Variants in ZFAND3 observed in about 807,000 individuals in gnomAD.
The protein encoded by ZFAND3 is AN1-type zinc finger protein 3.
In ZFAND3, 10 loss-of-function variants were observed where a neutral mutation model predicts 29.6. That is an observed-to-expected ratio of 0.34 (90% CI 0.21 to 0.57). The LOEUF is 0.57. Among genes scored for constraint, ZFAND3 ranks in the 20% least tolerant of loss-of-function variants. The probability of loss-of-function intolerance (pLI) is 0.86; values close to 1 mark genes in which losing one functional copy is unlikely to be tolerated. For synonymous variants in ZFAND3, 128 were observed against 112.6 expected, an observed-to-expected ratio of 1.14 and a Z score of -0.87; for missense variants, 230 against 304.5, an observed-to-expected ratio of 0.76 and a Z score of 1.82.
chr6:38,024,982 A>G (rs939081563), intron 2 of ZFAND3, among the ~76,000 whole-genome samples: 4 of 152,206 alleles, frequency 2.6e-5, no homozygotes, highest in Admixed American at 1.3e-4. Flanking sequence ...AAAGTAGAAA[A>G]TACATATGTA....
chr6:38,020,398 A>G (rs1763327394), intron 2 of ZFAND3, among the ~76,000 whole-genome samples: 2 of 152,132 alleles, frequency 1.3e-5, no homozygotes, highest in African/African-American at 4.8e-5. Flanking sequence ...AAAAAAAAAC[A>G]TGTTTCAAAT....
At chr6:37,915,640 A>G (rs542312503) in intron 1 of ZFAND3, 1 of 152,378 alleles carries the variant, frequency 6.6e-6, no homozygotes, top group East Asian at 1.9e-4. Flanking sequence ...CCTTGGGCTT[A>G]TCCATTGCAC....
At chr6:38,029,133 G>T (rs767201387) in intron 2 of ZFAND3, among the ~76,000 whole-genome samples, 1 of 152,110 alleles carries the variant, frequency 6.6e-6, no homozygotes, top group Non-Finnish European at 1.5e-5. Context: ...TAAAATGAAA[G>T]TTTGTAGAAA....
intron 1 of ZFAND3, among the ~76,000 whole-genome samples, chr6:37,860,495 A>G (rs554011092): frequency 6.6e-6 from 1 of 152,252 alleles, no homozygotes; most frequent in East Asian, 1.9e-4. Context: ...AGACCTGAGA[A>G]TATCTGTCAA....
chr6:38,096,124 A>G (rs1307601436), intron 4 of ZFAND3, among the ~76,000 whole-genome samples: 2 of 151,984 alleles, frequency 1.3e-5, no homozygotes, highest in Non-Finnish European at 1.5e-5. Flanking sequence ...TATGAGTAAT[A>G]TACCTGGATT....
intron 2 of ZFAND3, among the ~76,000 whole-genome samples, chr6:37,942,317 G>A (rs916265084): frequency 2.0e-5 from 3 of 151,866 alleles, no homozygotes; most frequent in African/African-American, 7.3e-5. Flanking sequence ...TCCATAAAAT[G>A]TGGTTTTACA....
Position 38,154,442 on chromosome 6 carries a change from A to G in ZFAND3, c.*2053A>G. On this transcript the variant is annotated 3_prime_UTR_variant, in exon 6 of 6. Coordinates refer to ENST00000287218, the MANE Select transcript of ZFAND3 (RefSeq NM_021943.3). ...CTGTGAAGTTTGTTAAATGTAAGGA[A>G]AGCTTAAATTCTTGTATCTTTAAAA... 1.0e-6 allele frequency: 1 copy of G among 985,778 alleles called. No homozygotes were observed. Among genetic ancestry groups the G allele is most frequent in the South Asian group, 4.7e-5 (1 of 21,278 alleles). 61.1% of individuals were successfully genotyped at this position (985,778 alleles called of 1,614,324 possible).
chr6:37,992,466 A>C (rs1762775383), intron 2 of ZFAND3, among the ~76,000 whole-genome samples: 1 of 152,302 alleles, frequency 6.6e-6, no homozygotes, highest in South Asian at 2.1e-4. Flanking sequence ...TCTTTCACTG[A>C]GACTGAGCAG....
intron 2 of ZFAND3, among the ~76,000 whole-genome samples, chr6:37,974,954 A>G (rs1430762508): frequency 6.6e-6 from 1 of 152,194 alleles, no homozygotes; most frequent in Non-Finnish European, 1.5e-5. Context: ...TGGCTATCAC[A>G]TAAATGTCTT....
At chr6:37,930,725 T>C (rs1266958070) in intron 2 of ZFAND3, among the ~76,000 whole-genome samples, 2 of 152,180 alleles carry the variant, frequency 1.3e-5, no homozygotes, top group Non-Finnish European at 2.9e-5. Flanking sequence ...AACTTTTAGG[T>C]CTTTTTATTT....
intron 2 of ZFAND3, among the ~76,000 whole-genome samples, chr6:38,022,356 C>T (rs1763368784): frequency 6.6e-6 from 1 of 152,142 alleles, no homozygotes; most frequent in African/African-American, 2.4e-5. Flanking sequence ...AACAGGAAGC[C>T]TGATCATGAT....
intron 3 of ZFAND3, among the ~76,000 whole-genome samples, chr6:38,068,288 T>C (rs565120815): frequency 3.0e-4 from 46 of 152,288 alleles, no homozygotes; most frequent in Middle Eastern, 3.4e-3. Flanking sequence ...CAAATAAATA[T>C]TTTGTGAAAT....
intron 5 of ZFAND3, chr6:38,142,995 TA>T (rs1765995015): frequency 6.6e-6 from 1 of 152,400 alleles, no homozygotes; most frequent in Non-Finnish European, 1.5e-5. Context: ...AGAGTTCTCA[TA>T]AGTCACAATA....
intron 4 of ZFAND3, among the ~76,000 whole-genome samples, chr6:38,103,534 C>T (rs1411603708): frequency 3.2e-5 from 3 of 95,192 alleles, no homozygotes; most frequent in Non-Finnish European, 7.1e-5. Context: ...CATATATATA[C>T]ACACACACAT....
intron 4 of ZFAND3, among the ~76,000 whole-genome samples, chr6:38,098,575 A>G (rs1204783640): frequency 6.6e-6 from 1 of 151,056 alleles, no homozygotes; most frequent in Non-Finnish European, 1.5e-5. Context: ...ATCTTGGCTC[A>G]CTGCAACCTC....
At chr6:38,144,083 G>A (rs992254499) in intron 5 of ZFAND3, among the ~76,000 whole-genome samples, 1 of 150,180 alleles carries the variant, frequency 6.7e-6, no homozygotes, top group Non-Finnish European at 1.5e-5. Context: ...GTAACCACCT[G>A]CTGTTCCCAA....
chr6:38,132,363 G>C (rs1006273199), intron 5 of ZFAND3, among the ~76,000 whole-genome samples: 16 of 152,164 alleles, frequency 1.1e-4, no homozygotes, highest in Admixed American at 4.6e-4. Flanking sequence ...AATAAAATAA[G>C]CCTAGTGTGG....
At chr6:37,834,835 T>C (rs1276933843) in intron 1 of ZFAND3, among the ~76,000 whole-genome samples, 2 of 128,530 alleles carry the variant, frequency 1.6e-5, no homozygotes, top group South Asian at 2.4e-4. Flanking sequence ...ATGATATATG[T>C]GTGTATGCAT....
At chr6:38,096,287 C>T (rs1764977653) in intron 4 of ZFAND3, among the ~76,000 whole-genome samples, 1 of 152,044 alleles carries the variant, frequency 6.6e-6, no homozygotes, top group Non-Finnish European at 1.5e-5. Flanking sequence ...ATTCTCCTGC[C>T]TGAGCCTCCC....
Sources: allele counts gnomAD v4.1 joint callset (sites outside exome capture counted in the v4.1 genomes callset), GRCh38; gene constraint gnomAD v4.1.1; transcripts MANE v1.5; gene names NCBI Gene and HGNC (gene_info 2026-07-23, HGNC 2026-07-21).